Variants in CLCN3 observed in about 807,000 individuals in gnomAD.
CLCN3 encodes Cl-/H+ antiporter 3, also known as H(+)/Cl(-) exchange transporter 3.
In CLCN3, 16 loss-of-function variants were observed where a neutral mutation model predicts 83.4. That is an observed-to-expected ratio of 0.19 (90% CI 0.13 to 0.29). CLCN3 has a LOEUF of 0.29. Ranked by LOEUF, CLCN3 falls within the 10% of genes least tolerant of loss-of-function variation. The pLI is 1.00. For missense variants in CLCN3, 544 were observed against 1,006.0 expected (o/e 0.54, Z 6.21); for synonymous variants, 322 against 346.2 (o/e 0.93, Z 0.78).
intron 3 of CLCN3, among the ~76,000 whole-genome samples, chr4:169,683,764 A>G (rs1364589624): frequency 1.3e-5 from 2 of 148,832 alleles, no homozygotes; most frequent in African/African-American, 5.0e-5. Context: ...TTTTTTTTTA[A>G]GCAGAGTCTT....
intron 2 of CLCN3, chr4:169,663,174 T>C (rs1261516180): frequency 1.4e-5 from 2 of 139,918 alleles, no homozygotes; most frequent in Non-Finnish European, 3.1e-5. Flanking sequence ...TGTGTGCGTA[T>C]ATGTGTATAT....
At chr4:169,659,488 C>T (rs1180617095) in intron 2 of CLCN3, among the ~76,000 whole-genome samples, 1 of 152,094 alleles carries the variant, frequency 6.6e-6, no homozygotes, top group Non-Finnish European at 1.5e-5. Context: ...TAGGAAAGCC[C>T]TCTGCTTAGT....
At position 169,620,578 on chromosome 4, in the gene CLCN3, C is replaced by G. The variant is rs139477491; in HGVS notation, c.-502C>G. ...TTCGGGCTCCTGACTCCTGCCGCTT[C>G]TCTTCCCCTTCCGTGGGTCAGGGCC... On this transcript the variant is annotated 5_prime_UTR_variant, in exon 1 of 13. Coordinates refer to ENST00000513761, the MANE Select transcript of CLCN3 (RefSeq NM_001829.4). The G allele has an allele frequency of 9.9e-4, 391 of 395,802 alleles. 3 individuals are homozygous for G. Among genetic ancestry groups the G allele is most frequent in the African/African-American group, 7.4e-3 (361 of 48,726 alleles). The allele number at this position is 395,802 out of a possible 1,614,324, so 24.5% of individuals were successfully genotyped here.
chr4:169,696,153 G>A (rs1463981259), intron 8 of CLCN3, among the ~76,000 whole-genome samples: 4 of 151,932 alleles, frequency 2.6e-5, no homozygotes, highest in Non-Finnish European at 5.9e-5. Flanking sequence ...GCAATGGCGC[G>A]ATCTTGGCTC....
At chr4:169,708,184 T>C (rs1001688693) in intron 11 of CLCN3, among the ~76,000 whole-genome samples, 5 of 152,112 alleles carry the variant, frequency 3.3e-5, no homozygotes, top group African/African-American at 1.2e-4. Flanking sequence ...TCTGTGGCCA[T>C]TGCAAAAGGA....
intron 2 of CLCN3, among the ~76,000 whole-genome samples, chr4:169,636,290 C>T (rs1207615254): frequency 6.6e-6 from 1 of 152,112 alleles, no homozygotes; most frequent in Non-Finnish European, 1.5e-5. Flanking sequence ...GTTTCTATCT[C>T]GTTCCAAACA....
intron 6 of CLCN3, among the ~76,000 whole-genome samples, chr4:169,691,637 TATC>T (rs1306659911): frequency 4.6e-5 from 7 of 152,158 alleles, no homozygotes; most frequent in South Asian, 2.1e-4. Flanking sequence ...TAAAAAGCAA[TATC>T]ATGCAGTATA....
intron 2 of CLCN3, among the ~76,000 whole-genome samples, chr4:169,655,152 TG>T (rs1165228512): frequency 6.6e-6 from 1 of 152,194 alleles, no homozygotes; most frequent in East Asian, 1.9e-4. Context: ...GATTAGAGTT[TG>T]CATATTATAC....
intron 7 of CLCN3, among the ~76,000 whole-genome samples, chr4:169,693,698 A>T (rs1198190929): frequency 6.6e-6 from 1 of 152,222 alleles, no homozygotes; most frequent in African/African-American, 2.4e-5. Context: ...TGCCTCCTCA[A>T]TTCAATTCCA....
intron 8 of CLCN3, among the ~76,000 whole-genome samples, chr4:169,695,950 G>A (rs1379859442): frequency 2.0e-5 from 3 of 152,186 alleles, no homozygotes; most frequent in Non-Finnish European, 4.4e-5. Context: ...ATATTTAAAA[G>A]TAAGAAGATG....
chr4:169,667,033 A>AT (rs1039363830), intron 2 of CLCN3, among the ~76,000 whole-genome samples: 6 of 151,936 alleles, frequency 3.9e-5, no homozygotes, highest in Non-Finnish European at 8.8e-5. Context: ...CAGTTTATCT[A>AT]TTTTTTTTAT....
intron 2 of CLCN3, among the ~76,000 whole-genome samples, chr4:169,638,556 G>T (rs1039521788): frequency 6.6e-6 from 1 of 152,004 alleles, no homozygotes; most frequent in South Asian, 2.1e-4. Flanking sequence ...TTTGAAACAG[G>T]TGAAATTAAT....
chr4:169,636,986 T>C (rs968741966), intron 2 of CLCN3, among the ~76,000 whole-genome samples: 13 of 152,136 alleles, frequency 8.5e-5, no homozygotes, highest in African/African-American at 3.1e-4. Flanking sequence ...ACATTTCTAC[T>C]AGCAATGTGT....
chr4:169,686,391 A>G (rs1732158123), intron 3 of CLCN3, among the ~76,000 whole-genome samples: 1 of 150,008 alleles, frequency 6.7e-6, no homozygotes, highest in African/African-American at 2.4e-5. Context: ...AGAACAGTTG[A>G]GCACTGAAGT....
chr4:169,652,842 C>CT (rs1269176759), intron 2 of CLCN3, among the ~76,000 whole-genome samples: 1 of 152,166 alleles, frequency 6.6e-6, no homozygotes, highest in Non-Finnish European at 1.5e-5. Context: ...TTTGCATTTT[C>CT]TTTGTAGTCA....
At chr4:169,657,112 T>C (rs1016253711) in intron 2 of CLCN3, among the ~76,000 whole-genome samples, 1 of 152,206 alleles carries the variant, frequency 6.6e-6, no homozygotes, top group Admixed American at 6.5e-5. Context: ...TGTTGTAATC[T>C]GAAACATTGT....
intron 2 of CLCN3, among the ~76,000 whole-genome samples, chr4:169,679,755 C>T (rs915946850): frequency 3.9e-5 from 6 of 152,142 alleles, no homozygotes; most frequent in South Asian, 2.1e-4. Context: ...TCAGGCGTGG[C>T]GGCGCGTGCC....
At chr4:169,651,065 TATC>T (rs1345642702) in intron 2 of CLCN3, among the ~76,000 whole-genome samples, 1 of 152,160 alleles carries the variant, frequency 6.6e-6, no homozygotes, top group East Asian at 1.9e-4. Context: ...ACTGGATAGA[TATC>T]ATCAGAAAGG....
intron 2 of CLCN3, among the ~76,000 whole-genome samples, chr4:169,665,980 GT>G (rs71590023): frequency 5.4e-4 from 78 of 144,958 alleles, no homozygotes; most frequent in Admixed American, 8.3e-4. Context: ...AGGTTGTGTT[GT>G]TTTTTTTTTT....
Sources: gnomAD v4.1 joint callset for allele counts (sites outside exome capture counted in the v4.1 genomes callset) on GRCh38, gnomAD v4.1.1 for gene constraint, MANE v1.5 for transcripts, NCBI Gene and HGNC (gene_info 2026-07-23, HGNC 2026-07-21) for gene names.